Variants in MYRIP observed in about 807,000 individuals in gnomAD.
MYRIP encodes rab effector MyRIP.
A neutral mutation model predicts 98.0 loss-of-function variants in MYRIP; 49 were observed. That is an observed-to-expected ratio of 0.50 (90% CI 0.40 to 0.63). The LOEUF is 0.63. MYRIP is among the 30% of genes least tolerant of loss of function. The pLI, the probability that MYRIP is intolerant of heterozygous loss-of-function variation, is 0.00. For missense variants in MYRIP, 1,004 were observed against 1,058.2 expected (o/e 0.95, Z 0.71); for synonymous variants, 404 against 409.5 (o/e 0.99, Z 0.16).
At chr3:40,031,080 G>T (rs923607380) in intron 2 of MYRIP, among the ~76,000 whole-genome samples, 3 of 152,102 alleles carry the variant, frequency 2.0e-5, no homozygotes, top group African/African-American at 7.2e-5. Context: ...AGACTGGGTG[G>T]CTAATAAACA....
At chr3:40,246,081 C>A (rs2125716135) in intron 13 of MYRIP, among the ~76,000 whole-genome samples, 1 of 120,462 alleles carries the variant, frequency 8.3e-6, no homozygotes, top group African/African-American at 3.6e-5. Context: ...AAAACTGAAT[C>A]ATTGGGAGAA....
intron 1 of MYRIP, among the ~76,000 whole-genome samples, chr3:39,844,324 G>A (rs767464299): frequency 1.5e-4 from 23 of 152,150 alleles, no homozygotes; most frequent in South Asian, 8.3e-4. Flanking sequence ...AATATCCTGC[G>A]GAGCTACCCT....
chr3:40,243,399 G>GC (rs1559473149), intron 12 of MYRIP, among the ~76,000 whole-genome samples: 40 of 27,600 alleles, frequency 1.4e-3, no homozygotes, highest in African/African-American at 6.3e-3. Context: ...ATCACTAAGT[G>GC]TAAAAAAAAA....
intron 2 of MYRIP, among the ~76,000 whole-genome samples, chr3:39,938,706 A>G (rs186572984): frequency 1.1e-4 from 17 of 152,202 alleles, no homozygotes; most frequent in Admixed American, 7.9e-4. Flanking sequence ...AGGTCTCACT[A>G]TGTTGCCCAG....
At chr3:40,133,271 G>A (rs549049665) in intron 3 of MYRIP, among the ~76,000 whole-genome samples, 4 of 152,214 alleles carry the variant, frequency 2.6e-5, no homozygotes, top group Non-Finnish European at 4.4e-5. Context: ...AAAGATAAGC[G>A]CTTAAGAGGT....
At chr3:40,247,563 G>A (rs13314203) in intron 13 of MYRIP, among the ~76,000 whole-genome samples, 2,047 of 152,094 alleles carry the variant, frequency 0.013, 36 homozygotes, top group African/African-American at 0.043. Flanking sequence ...TCACTCTGTC[G>A]CCCAGGCTGG....
intron 2 of MYRIP, among the ~76,000 whole-genome samples, chr3:39,999,298 C>T (rs1314778459): frequency 1.3e-5 from 2 of 152,172 alleles, no homozygotes; most frequent in Non-Finnish European, 2.9e-5. Flanking sequence ...GGGCTAATAT[C>T]CAGAATCTAC....
At chr3:40,022,855 T>C (rs553303872) in intron 2 of MYRIP, among the ~76,000 whole-genome samples, 1 of 152,244 alleles carries the variant, frequency 6.6e-6, no homozygotes, top group South Asian at 2.1e-4. Flanking sequence ...ATACATGTAT[T>C]ATTAGATATT....
chr3:40,200,169 G>C (rs1377731224), intron 10 of MYRIP, among the ~76,000 whole-genome samples: 6 of 146,320 alleles, frequency 4.1e-5, no homozygotes, highest in Non-Finnish European at 7.6e-5. Context: ...GGTACACTAG[G>C]TCAGGGTATC....
chr3:40,187,796 G>A (rs1247320040), intron 9 of MYRIP, among the ~76,000 whole-genome samples: 2 of 152,206 alleles, frequency 1.3e-5, no homozygotes, highest in Non-Finnish European at 2.9e-5. Flanking sequence ...AGCCAACCAG[G>A]CCCTCACACC....
At chr3:39,982,837 C>T (rs1374244856) in intron 2 of MYRIP, among the ~76,000 whole-genome samples, 1 of 152,076 alleles carries the variant, frequency 6.6e-6, no homozygotes, top group African/African-American at 2.4e-5. Context: ...TATCGTGGTA[C>T]ATTGTCAAAA....
intron 2 of MYRIP, among the ~76,000 whole-genome samples, chr3:39,954,014 G>C (rs1264113628): frequency 6.6e-6 from 1 of 152,140 alleles, no homozygotes; most frequent in Non-Finnish European, 1.5e-5. Flanking sequence ...CAGCTGGGAA[G>C]ACTGAACTGG....
rs149696281 is a variant in MYRIP at position 40,190,561 on chromosome 3, G to T, written c.1665+98G>T. 10 of 1,469,216 alleles carry T rather than the reference G, an allele frequency of 6.8e-6. No homozygotes were observed. The South Asian group carries it at 1.4e-4, about 21-fold the overall frequency. 91.0% of individuals were successfully genotyped at this position (1,469,216 alleles called of 1,614,324 possible). A position where few individuals can be genotyped will look rare whatever the true frequency, so the allele number is the denominator to read the frequency against. On this transcript the variant is annotated intron_variant, in intron 10 of 16. Coordinates refer to ENST00000302541, the MANE Select transcript of MYRIP (RefSeq NM_015460.4). The stretch of plus-strand genomic sequence containing the variant: ...GCATAGAGTCCTGGGTTTGGAATCC[G>T]CAGACCCAGATTCTCATCTTGGTTT...
chr3:40,213,694 C>G (rs926565852), intron 11 of MYRIP, among the ~76,000 whole-genome samples: 1 of 151,922 alleles, frequency 6.6e-6, no homozygotes, highest in African/African-American at 2.4e-5. Flanking sequence ...AGCGCCACTG[C>G]GCCACCCTTG....
intron 4 of MYRIP, among the ~76,000 whole-genome samples, chr3:40,151,545 C>G (rs1950121347): frequency 6.6e-6 from 1 of 152,224 alleles, no homozygotes; most frequent in Admixed American, 6.5e-5. Context: ...GAGAGTACAT[C>G]TGTCCCTGGA....
chr3:40,038,244 A>G (rs753052844), intron 2 of MYRIP, among the ~76,000 whole-genome samples: 1 of 152,204 alleles, frequency 6.6e-6, no homozygotes, highest in African/African-American at 2.4e-5. Flanking sequence ...CCTGCAAGGT[A>G]CAACAAAAAT....
chr3:40,204,116 A>T (rs1264745124), intron 10 of MYRIP, among the ~76,000 whole-genome samples: 1 of 18,248 alleles, frequency 5.5e-5, no homozygotes, highest in African/African-American at 1.6e-4. Context: ...ATAATATATA[A>T]ATATAGAGTA....
chr3:40,066,076 C>G (rs1948121194), intron 3 of MYRIP, among the ~76,000 whole-genome samples: 3 of 152,278 alleles, frequency 2.0e-5, no homozygotes, highest in Admixed American at 2.0e-4. Context: ...GCACAGCCTC[C>G]TGGAGGCCAT....
chr3:39,914,547 A>G (rs1323579362), intron 2 of MYRIP, among the ~76,000 whole-genome samples: 2 of 152,126 alleles, frequency 1.3e-5, no homozygotes, highest in African/African-American at 4.8e-5. Flanking sequence ...TAAAATAAAC[A>G]ATCTATATTA....
Sources: allele counts gnomAD v4.1 joint callset (sites outside exome capture counted in the v4.1 genomes callset), GRCh38; gene constraint gnomAD v4.1.1; transcripts MANE v1.5; gene names NCBI Gene and HGNC (gene_info 2026-07-23, HGNC 2026-07-21).